Variants in UBAP2 observed in about 807,000 individuals in gnomAD.
The protein encoded by UBAP2 is ubiquitin associated protein 2, also known as ubiquitin-associated protein 2.
In UBAP2, 75 loss-of-function variants were observed where a neutral mutation model predicts 139.6. The observed-to-expected ratio is 0.54, with a 90% CI of 0.45 to 0.65. UBAP2 has a LOEUF of 0.65. Ranked by LOEUF, UBAP2 falls within the 30% of genes least tolerant of loss-of-function variation. UBAP2 has a pLI of 0.00. For synonymous variants in UBAP2, 526 were observed against 526.2 expected (o/e 1.00, Z 0.01); for missense variants, 1,368 against 1,369.6 (o/e 1.00, Z 0.02).
intron 1 of UBAP2, among the ~76,000 whole-genome samples, chr9:34,040,273 G>A (rs1399128309): frequency 2.1e-5 from 3 of 140,414 alleles, no homozygotes; most frequent in East Asian, 4.1e-4. Flanking sequence ...GCAGTGAGCC[G>A]AGCCCACGCC....
chr9:34,038,428 G>A (rs949475904), intron 1 of UBAP2, among the ~76,000 whole-genome samples: 23 of 152,294 alleles, frequency 1.5e-4, no homozygotes, highest in South Asian at 1.2e-3. Context: ...GATTGCAGGC[G>A]CGCGCCGCCA....
At position 34,017,084 on chromosome 9, in the gene UBAP2, G is replaced by A; in HGVS notation, c.65C>T (p.Ala22Val). ...TTGTTTCTGTGGTTGCGTTGATTGT[G>A]CTGCTGAAATCTGTGGTTTTTCCCG... ...GAREKPQISA[A>V]QSTQPQKQVV... is the part of the protein sequence containing the mutation. Residue 22 changes from alanine (A) to valine (V), a missense_variant, in exon 2 of 29, where the codon GCA becomes GTA. By Grantham distance (64) the Ala-to-Val change is moderately conservative (BLOSUM62 0). Transcript: ENST00000379238. 1 of 1,610,650 alleles carries A rather than the reference G, an allele frequency of 6.2e-7. No homozygotes were observed. Among genetic ancestry groups the A allele is most frequent in the Non-Finnish European group, 8.5e-7 (1 of 1,179,252 alleles).
rs1823001654 is a variant in UBAP2 at position 33,922,618 on chromosome 9, G to C, written c.3265-19C>G. On this transcript the variant is annotated intron_variant, in intron 28 of 28. Coordinates refer to ENST00000379238, the MANE Select transcript of UBAP2 (RefSeq NM_001370062.2). ...AGCCACTCTGAGGAAGAGGAGAAGG[G>C]AAGGCTGTCAAGGCTGGAGCAGAAC... The C allele has an allele frequency of 6.2e-7, 1 of 1,610,656 alleles. No individual in the cohort carries two copies. Among genetic ancestry groups the C allele is most frequent in the Non-Finnish European group, 8.5e-7 (1 of 1,178,194 alleles).
At chr9:34,046,603 C>A (rs1827608911) in intron 1 of UBAP2, among the ~76,000 whole-genome samples, 1 of 139,134 alleles carries the variant, frequency 7.2e-6, no homozygotes, top group African/African-American at 2.8e-5. Context: ...GAGATCAGGC[C>A]ACTGCACTCC....
In UBAP2 at chr9:33,923,831, G is replaced by T. The variant is rs762739910; in HGVS notation, c.2760C>A (p.Gly920=). 18 of 1,614,108 alleles carry T rather than the reference G, an allele frequency of 1.1e-5. No individual in the cohort carries two copies. Among genetic ancestry groups the T allele is most frequent in the Non-Finnish European group, 8.5e-7 (1 of 1,180,038 alleles). The change falls in exon 24 of 29, where the codon GGC becomes GGA. Residue 920 remains glycine (G), a synonymous_variant. Transcript: ENST00000379238. ...GGCCATACTGGAAGGCACTGGGCATGCCTGTGTAGTAGGGAAGACCAGTGT... is the reference window on the plus strand; with the variant it reads ...GGCCATACTGGAAGGCACTGGGCATTCCTGTGTAGTAGGGAAGACCAGTGT... ...YSYTGLPYYT[G]MPSAFQYGPT... is the part of the protein sequence containing the mutation.
At chr9:34,042,159 T>C (rs1564077828) in intron 1 of UBAP2, among the ~76,000 whole-genome samples, 1 of 152,070 alleles carries the variant, frequency 6.6e-6, no homozygotes, top group African/African-American at 2.4e-5. Flanking sequence ...TGCTTACGGA[T>C]ATACATATAA....
At chr9:34,036,558 A>C (rs767528070) in intron 1 of UBAP2, among the ~76,000 whole-genome samples, 51 of 152,146 alleles carry the variant, frequency 3.4e-4, no homozygotes, top group Non-Finnish European at 7.2e-4. Flanking sequence ...TCCTATACAC[A>C]CATTTAAACT....
At chr9:33,950,236 G>T (rs1245726265) in intron 12 of UBAP2, among the ~76,000 whole-genome samples, 1 of 151,650 alleles carries the variant, frequency 6.6e-6, no homozygotes, top group Admixed American at 6.6e-5. Context: ...CGGCTTTTTT[G>T]TTGTTGTTGT....
chr9:33,997,644 A>T (rs1156627685), intron 3 of UBAP2: 1 of 152,224 alleles, frequency 6.6e-6, no homozygotes, highest in Non-Finnish European at 1.5e-5. Flanking sequence ...TGCCTGCAAC[A>T]TACAATTTTT....
intron 6 of UBAP2, among the ~76,000 whole-genome samples, chr9:33,982,641 G>A (rs1203756524): frequency 6.6e-6 from 1 of 152,124 alleles, no homozygotes; most frequent in African/African-American, 2.4e-5. Flanking sequence ...AGAATAGGAA[G>A]AACAGGTCAA....
chr9:33,997,492 A>G (rs1283870140), intron 3 of UBAP2: 1 of 152,204 alleles, frequency 6.6e-6, no homozygotes, highest in Non-Finnish European at 1.5e-5. Context: ...TCTCTGCACT[A>G]TACCATTTGG....
At chr9:33,956,488 C>G (rs999273749) in intron 10 of UBAP2, among the ~76,000 whole-genome samples, 1 of 151,880 alleles carries the variant, frequency 6.6e-6, no homozygotes, top group African/African-American at 2.4e-5. Context: ...GCCACCACAC[C>G]GAGCTAATTT....
chr9:34,019,975 C>CA (rs1275096725), intron 1 of UBAP2, among the ~76,000 whole-genome samples: 3 of 151,746 alleles, frequency 2.0e-5, no homozygotes, highest in Non-Finnish European at 4.4e-5. Context: ...GCCTGACCAA[C>CA]ATGGTGAAAC....
intron 6 of UBAP2, among the ~76,000 whole-genome samples, chr9:33,980,765 G>A (rs1210420083): frequency 1.3e-5 from 2 of 151,594 alleles, no homozygotes; most frequent in African/African-American, 4.8e-5. Flanking sequence ...AGACCAGCCT[G>A]GGCAACATGG....
chr9:33,935,754 G>A (rs781717518), intron 17 of UBAP2, 85 bp downstream of exon 17: 1 of 1,498,072 alleles, frequency 6.7e-7, no homozygotes, highest in Non-Finnish European at 9.3e-7. Flanking sequence ...TTGACCAACT[G>A]GTGTTTTCCA....
intron 2 of UBAP2, chr9:34,011,686 T>C (rs1338401969): frequency 2.0e-6 from 2 of 986,918 alleles, no homozygotes; most frequent in Non-Finnish European, 2.4e-6. Context: ...AGAGGAAAAA[T>C]CAGGATCAAC....
chr9:34,034,122 C>A (rs539735688), intron 1 of UBAP2, among the ~76,000 whole-genome samples: 4 of 152,234 alleles, frequency 2.6e-5, no homozygotes, highest in African/African-American at 9.6e-5. Context: ...CAACATTTGG[C>A]ACTCAAATGT....
intron 1 of UBAP2, among the ~76,000 whole-genome samples, chr9:34,037,572 CAA>C (rs1826545114): frequency 6.6e-6 from 1 of 152,122 alleles, no homozygotes; most frequent in African/African-American, 2.4e-5. Flanking sequence ...CCAAAAGCCC[CAA>C]AAAGTTACAT....
intron 1 of UBAP2, among the ~76,000 whole-genome samples, chr9:34,028,852 A>G (rs1030272551): frequency 3.3e-5 from 5 of 152,088 alleles, no homozygotes; most frequent in African/African-American, 7.2e-5. Context: ...GGGATCCCCA[A>G]TCCCCAACTC....
Sources: allele counts gnomAD v4.1 joint callset (sites outside exome capture counted in the v4.1 genomes callset), GRCh38; gene constraint gnomAD v4.1.1; transcripts MANE v1.5; gene names NCBI Gene and HGNC (gene_info 2026-07-23, HGNC 2026-07-21).